RANBP17: variants seen among roughly 807,000 people sequenced by gnomAD.
The protein encoded by RANBP17 is ran-binding protein 17.
Under a neutral mutation model 141.2 loss-of-function variants are expected in RANBP17, and 158 were observed. That is an observed-to-expected ratio of 1.12 (90% CI 0.98 to 1.28). RANBP17 has a LOEUF of 1.28. RANBP17 is among the 50% of genes most tolerant of loss of function. The pLI is 0.00. For synonymous variants in RANBP17, 430 were observed against 450.0 expected, an observed-to-expected ratio of 0.96 and a Z score of 0.56; for missense variants, 1,438 against 1,290.7, an observed-to-expected ratio of 1.11 and a Z score of -1.75.
chr5:171,231,072 G>A lies in RANBP17; in HGVS notation c.2422+9232G>A, dbSNP rs184977284. On this transcript the variant is annotated intron_variant, in intron 22 of 27. Transcript: ENST00000523189. ...CTGCCTCAACTTCCTGAGTAGCTGG[G>A]ACTACAGGCACGTACCACCATGCCT... Among the ~76,000 whole-genome samples, 8 of 149,956 alleles carry A rather than the reference G, an allele frequency of 5.3e-5. No individual in the cohort carries two copies. In the East Asian group the frequency reaches 9.9e-4, roughly 18 times the overall value.
At chr5:171,072,708 AG>A (rs1466464198) in intron 14 of RANBP17, among the ~76,000 whole-genome samples, 1 of 152,180 alleles carries the variant, frequency 6.6e-6, no homozygotes, top group Non-Finnish European at 1.5e-5. Context: ...TTTGGAAGTC[AG>A]TTTGATAGTT....
intron 14 of RANBP17, among the ~76,000 whole-genome samples, chr5:171,035,887 T>C (rs1781851683): frequency 6.6e-6 from 1 of 150,994 alleles, no homozygotes; most frequent in South Asian, 2.1e-4. Flanking sequence ...ACCCAGTAGG[T>C]TTTCTTTTCT....
At chr5:171,172,692 T>A (rs866236199) in intron 16 of RANBP17, among the ~76,000 whole-genome samples, 3 of 151,904 alleles carry the variant, frequency 2.0e-5, no homozygotes, top group Non-Finnish European at 4.4e-5. Context: ...TTTTATAGCA[T>A]ATATCTATTG....
intron 22 of RANBP17, among the ~76,000 whole-genome samples, chr5:171,224,990 T>G (rs1763805144): frequency 6.6e-6 from 1 of 152,194 alleles, no homozygotes; most frequent in African/African-American, 2.4e-5. Context: ...CTCAAAGACA[T>G]GGTTGTGAGA....
At chr5:171,089,825 G>A (rs1009371204) in intron 14 of RANBP17, among the ~76,000 whole-genome samples, 7 of 152,182 alleles carry the variant, frequency 4.6e-5, no homozygotes, top group Admixed American at 4.6e-4. Flanking sequence ...GCTCGCGCAC[G>A]GTGCGTGCAC....
chr5:170,903,609 G>A lies in RANBP17; in HGVS notation c.490-6052G>A, dbSNP rs1355831105. The A allele has an allele frequency of 2.0e-5, 5 of 249,988 alleles. No homozygotes were observed. The East Asian group carries it at 5.0e-4, about 25-fold the overall frequency. 15.5% of individuals were successfully genotyped at this position (249,988 alleles called of 1,614,324 possible). A position where few individuals can be genotyped will look rare whatever the true frequency, so the allele number is the denominator to read the frequency against. Reference sequence around the variant, plus strand: ...TGACCTCCATTTATCCTTCCGGTGAGGAGGATGTCATAACTTGACCTCATA... The same window carrying A: ...TGACCTCCATTTATCCTTCCGGTGAAGAGGATGTCATAACTTGACCTCATA... On this transcript the variant is annotated intron_variant, in intron 5 of 27. Coordinates refer to ENST00000523189, the MANE Select transcript of RANBP17 (RefSeq NM_022897.5).
chr5:171,115,244 C>T (rs769872040), intron 14 of RANBP17, among the ~76,000 whole-genome samples: 12 of 151,938 alleles, frequency 7.9e-5, no homozygotes, highest in Non-Finnish European at 1.6e-4. Context: ...ATTGATTCTA[C>T]GTGAATAAAA....
At chr5:171,214,649 G>T (rs184709218) in intron 21 of RANBP17, among the ~76,000 whole-genome samples, 1 of 152,186 alleles carries the variant, frequency 6.6e-6, no homozygotes, top group East Asian at 1.9e-4. Context: ...TGCAAATAAA[G>T]AAATGTGTGT....
At chr5:171,028,906 A>T (rs1480992447) in intron 14 of RANBP17, 3 of 1,288,734 alleles carry the variant, frequency 2.3e-6, no homozygotes, top group Non-Finnish European at 3.0e-6. Flanking sequence ...GCTTGTGGCA[A>T]ACCTATCCAA....
chr5:171,218,947 A>G (rs1368783421), intron 21 of RANBP17, among the ~76,000 whole-genome samples: 2 of 152,202 alleles, frequency 1.3e-5, no homozygotes, highest in East Asian at 3.8e-4. Context: ...TCATGATGCT[A>G]GCTGGTTATT....
At position 170,910,846 on chromosome 5, in the gene RANBP17, C is replaced by A. The variant is rs1013420488; in HGVS notation, c.595-123C>A. The A allele has an allele frequency of 7.7e-6, 7 of 910,410 alleles. No homozygotes were observed. The African/African-American group carries it at 1.0e-4, about 13-fold the overall frequency. 56.4% of individuals were successfully genotyped at this position (910,410 alleles called of 1,614,324 possible). A position where few individuals can be genotyped will look rare whatever the true frequency, so the allele number is the denominator to read the frequency against. ...TAACATTACTTCCTTATATATGGAACAGTATAACTTTGTAAACTCCTTTAT... is the reference window on the plus strand; with the variant it reads ...TAACATTACTTCCTTATATATGGAAAAGTATAACTTTGTAAACTCCTTTAT... On this transcript the variant is annotated intron_variant, in intron 6 of 27. Transcript: ENST00000523189.
chr5:171,178,578 T>A (rs1289990305), intron 16 of RANBP17, among the ~76,000 whole-genome samples: 1 of 152,164 alleles, frequency 6.6e-6, no homozygotes, highest in Non-Finnish European at 1.5e-5. Context: ...TGGTTCTAGA[T>A]CCTTGAGGAA....
intron 14 of RANBP17, among the ~76,000 whole-genome samples, chr5:171,111,145 A>G (rs1191959684): frequency 2.0e-5 from 3 of 152,158 alleles, no homozygotes; most frequent in Non-Finnish European, 4.4e-5. Context: ...AAGAAAGGTC[A>G]GAGTATTCTT....
In RANBP17 at chr5:171,155,946, A is replaced by C. The variant is rs558627539; in HGVS notation, c.1711-14184A>C. Among the ~76,000 whole-genome samples, 9 of 152,272 alleles carry C rather than the reference A, an allele frequency of 5.9e-5. No homozygotes were observed. The South Asian group carries it at 1.9e-3, about 32-fold the overall frequency. On this transcript the variant is annotated intron_variant, in intron 14 of 27. Transcript: ENST00000523189. ...CATAAGATTGGAGCATGAAAGCATT[A>C]AGAAAATGCCCTGATTAATTTAACA...
At chr5:170,884,320 T>G (rs1048699630) in intron 3 of RANBP17, among the ~76,000 whole-genome samples, 2 of 152,176 alleles carry the variant, frequency 1.3e-5, no homozygotes, top group African/African-American at 2.4e-5. Flanking sequence ...CCCCCAAAAC[T>G]TAACTGCTTA....
chr5:171,093,377 A>C (rs1240359584), intron 14 of RANBP17, among the ~76,000 whole-genome samples: 1 of 152,158 alleles, frequency 6.6e-6, no homozygotes, highest in Non-Finnish European at 1.5e-5. Context: ...AATCAGTTAC[A>C]TTTACTAAGT....
intron 18 of RANBP17, among the ~76,000 whole-genome samples, chr5:171,197,391 T>A (rs1762034359): frequency 6.6e-6 from 1 of 152,156 alleles, no homozygotes; most frequent in Non-Finnish European, 1.5e-5. Flanking sequence ...TTATACTTAT[T>A]TTATAGATGA....
At chr5:170,939,580 T>G (rs1314211402) in intron 12 of RANBP17, among the ~76,000 whole-genome samples, 3 of 151,954 alleles carry the variant, frequency 2.0e-5, no homozygotes, top group Non-Finnish European at 4.4e-5. Context: ...GAGACGGAGT[T>G]TCGCCATGTT....
At chr5:171,014,897 G>A (rs927015528) in intron 14 of RANBP17, among the ~76,000 whole-genome samples, 1 of 151,788 alleles carries the variant, frequency 6.6e-6, no homozygotes, top group Non-Finnish European at 1.5e-5. Context: ...ATTTATTTTT[G>A]CCTACTGTTT....
Sources: gnomAD v4.1 joint callset for allele counts (sites outside exome capture counted in the v4.1 genomes callset) on GRCh38, gnomAD v4.1.1 for gene constraint, MANE v1.5 for transcripts, NCBI Gene and HGNC (gene_info 2026-07-23, HGNC 2026-07-21) for gene names.